The following PLCE1 variants were observed in gnomAD, a reference collection of about 807,000 sequenced individuals.
The protein encoded by PLCE1 is phospholipase C epsilon 1.
A neutral mutation model predicts 242.8 loss-of-function variants in PLCE1; 119 were observed. That is an observed-to-expected ratio of 0.49 (90% CI 0.42 to 0.57). PLCE1 has a LOEUF of 0.57. Among genes scored for constraint, PLCE1 ranks in the 20% least tolerant of loss-of-function variants. PLCE1 has a pLI of 0.00. For synonymous variants in PLCE1, 945 were observed against 1,017.4 expected, an observed-to-expected ratio of 0.93 and a Z score of 1.35; for missense variants, 2,441 against 2,788.8, an observed-to-expected ratio of 0.88 and a Z score of 2.81.
intron 3 of PLCE1, among the ~76,000 whole-genome samples, chr10:94,150,701 A>T (rs1456470465): frequency 6.6e-6 from 1 of 152,180 alleles, no homozygotes; most frequent in East Asian, 1.9e-4. Context: ...GTTCTGAGTG[A>T]TTAATTAGAG....
At chr10:94,223,645 C>T (rs1160539020) in intron 4 of PLCE1, among the ~76,000 whole-genome samples, 1 of 151,978 alleles carries the variant, frequency 6.6e-6, no homozygotes, top group African/African-American at 2.4e-5. Flanking sequence ...TGGGCATGGT[C>T]CAGGGGGTTA....
At position 94,236,053 on chromosome 10, in the gene PLCE1, G is replaced by T. The variant is rs376994717; in HGVS notation, c.2353G>T (p.Glu785Ter). Residue 785 changes from glutamate (E) to a stop codon, truncating the protein, a stop_gained, in exon 7 of 33, where the codon GAG becomes TAG. Transcript: ENST00000371380. LOFTEE classifies it high-confidence loss of function. ...CTGCAATCGAAGTCTGGAGACAGACGAGGAGGACAGCCCCAGTGAAGGAAA... is the reference window on the plus strand; with the variant it reads ...CTGCAATCGAAGTCTGGAGACAGACTAGGAGGACAGCCCCAGTGAAGGAAA... ...RSCNRSLETD[E>*]EDSPSEGNSS... The T allele has an allele frequency of 6.2e-7, 1 of 1,614,044 alleles. No homozygotes were observed. Among genetic ancestry groups the T allele is most frequent in the East Asian group, 2.2e-5 (1 of 44,872 alleles).
intron 29 of PLCE1, 62 bp from the exon 30 acceptor site, chr10:94,321,839 T>C: frequency 1.5e-6 from 2 of 1,311,422 alleles, no homozygotes; most frequent in Non-Finnish European, 2.2e-6. Context: ...TTTTGCTAGA[T>C]TTGTCTTTCT....
At chr10:94,277,634 G>A (rs1472646712) in intron 19 of PLCE1, among the ~76,000 whole-genome samples, 1 of 152,132 alleles carries the variant, frequency 6.6e-6, no homozygotes, top group African/African-American at 2.4e-5. Flanking sequence ...CCCAGCACTT[G>A]GCATTACCTT....
intron 2 of PLCE1, among the ~76,000 whole-genome samples, chr10:94,035,339 A>G (rs528679609): frequency 2.0e-5 from 3 of 152,198 alleles, no homozygotes; most frequent in African/African-American, 7.2e-5. Flanking sequence ...ACCCTCCTCC[A>G]GTTTCTTCTT....
chr10:94,148,248 A>G (rs1456072063), intron 3 of PLCE1, among the ~76,000 whole-genome samples: 1 of 152,202 alleles, frequency 6.6e-6, no homozygotes, highest in Admixed American at 6.5e-5. Context: ...CAGAAATGGC[A>G]AGAACAAAGG....
At chr10:94,104,141 A>C (rs913730455) in intron 2 of PLCE1, 2 of 152,248 alleles carry the variant, frequency 1.3e-5, no homozygotes, top group Admixed American at 6.5e-5. Context: ...GGTGTTGCCT[A>C]TAGCAACTAA....
Position 94,161,929 on chromosome 10 carries a change from A to T in PLCE1, c.1493-9251A>T, listed in dbSNP as rs1428653299. Among the ~76,000 whole-genome samples the T allele has an allele frequency of 2.6e-3, 397 of 152,200 alleles. 4 individuals carry two copies. The highest frequency in any genetic ancestry group is 7.2e-4 in the Admixed American group (11 of 15,274). On this transcript the variant is annotated intron_variant, in intron 3 of 32. Coordinates refer to ENST00000371380, the MANE Select transcript of PLCE1 (RefSeq NM_016341.4). ...TTGAGATAATCATGTGGTTTTTGTC[A>T]TTGGTTCTGTTTATATGCTGGATTA... is the stretch of plus-strand genomic sequence containing the variant.
intron 2 of PLCE1, among the ~76,000 whole-genome samples, chr10:94,106,708 T>C (rs1372926399): frequency 6.6e-6 from 1 of 152,150 alleles, no homozygotes; most frequent in Non-Finnish European, 1.5e-5. Context: ...TTGCCATGAT[T>C]CCCTTTTCCT....
In PLCE1 at chr10:94,132,353, A is replaced by G. The variant is rs760161309; in HGVS notation, c.1386A>G (p.Ile462Met). 1 of 1,614,088 alleles carries G rather than the reference A, an allele frequency of 6.2e-7. No homozygotes were observed. The highest frequency in any genetic ancestry group is 8.5e-7 in the Non-Finnish European group (1 of 1,179,988). Residue 462 changes from isoleucine to methionine, a missense_variant, in exon 3 of 33, where the codon ATA becomes ATG. Transcript: ENST00000371380. Reference protein sequence around the residue: ...EYRATLQRTSISQYITGSLLE... With the variant: ...EYRATLQRTSMSQYITGSLLE... ...GCGCCACCCTCCAAAGGACTTCAAT[A>G]TCGCAGTACATCACCGGTTCTCTCC...
intron 3 of PLCE1, among the ~76,000 whole-genome samples, chr10:94,157,970 G>C (rs538710779): frequency 9.8e-5 from 15 of 152,316 alleles, no homozygotes; most frequent in African/African-American, 3.6e-4. Context: ...GTGCTGTGCT[G>C]TCTACATAGA....
intron 1 of PLCE1, among the ~76,000 whole-genome samples, chr10:93,994,633 A>G (rs1184547491): frequency 6.6e-6 from 1 of 152,278 alleles, no homozygotes; most frequent in Non-Finnish European, 1.5e-5. Flanking sequence ...ATTTGTGTAC[A>G]TCAAGTCCTA....
At position 94,031,301 on chromosome 10, in the gene PLCE1, C is replaced by G; in HGVS notation, c.255C>G (p.Asn85Lys). Reference protein sequence around the residue: ...IAREKIVSDENSNEKCWEKIM... With the variant: ...IAREKIVSDEKSNEKCWEKIM... Reference sequence around the variant, plus strand: ...GGGAGAAAATAGTGAGTGATGAGAACAGTAATGAAAAATGTTGGGAGAAAA... The same window carrying G: ...GGGAGAAAATAGTGAGTGATGAGAAGAGTAATGAAAAATGTTGGGAGAAAA... Residue 85 changes from asparagine (N) to lysine (K), a missense_variant, in exon 2 of 33, where the codon AAC becomes AAG. Asn to Lys is a moderately conservative substitution (Grantham distance 94). Transcript: ENST00000371380. 1 of 1,613,772 alleles carries G rather than the reference C, an allele frequency of 6.2e-7. No homozygotes were observed. The highest frequency in any genetic ancestry group is 8.5e-7 in the Non-Finnish European group (1 of 1,179,856).
chr10:94,101,109 A>G (rs1241886118), intron 2 of PLCE1, among the ~76,000 whole-genome samples: 3 of 152,134 alleles, frequency 2.0e-5, no homozygotes, highest in African/African-American at 7.2e-5. Context: ...TGTTTGTCAG[A>G]AGCCCTGCCG....
chr10:94,008,753 C>T (rs1270291115), intron 1 of PLCE1, among the ~76,000 whole-genome samples: 1 of 152,156 alleles, frequency 6.6e-6, no homozygotes, highest in African/African-American at 2.4e-5. Flanking sequence ...AAATAGTCAG[C>T]CAGGAGGTAA....
At chr10:94,255,600 T>C (rs1177901928) in intron 11 of PLCE1, among the ~76,000 whole-genome samples, 1 of 152,252 alleles carries the variant, frequency 6.6e-6, no homozygotes, top group African/African-American at 2.4e-5. Context: ...TTTTCTCATA[T>C]GTAAGTTATG....
chr10:94,143,596 C>T (rs2047033817), intron 3 of PLCE1, among the ~76,000 whole-genome samples: 1 of 152,120 alleles, frequency 6.6e-6, no homozygotes, highest in Non-Finnish European at 1.5e-5. Context: ...AATATCTCAC[C>T]ATAGTCTGAG....
At position 94,330,809 on chromosome 10, in the gene PLCE1, A is replaced by G. The variant is rs1373239893; in HGVS notation, c.*2866A>G. 1 of 152,224 alleles carries G rather than the reference A, an allele frequency of 6.6e-6. No homozygotes were observed. The highest frequency in any genetic ancestry group is 1.5e-5 in the Non-Finnish European group (1 of 68,038). 9.4% of individuals were successfully genotyped at this position (152,224 alleles called of 1,614,324 possible). ...TTAAAGCTTTCTGAATTAAACAGCTATATTATGCCAAGTGAAAGAAATTAT... is the reference window on the plus strand; with the variant it reads ...TTAAAGCTTTCTGAATTAAACAGCTGTATTATGCCAAGTGAAAGAAATTAT... On this transcript the variant is annotated 3_prime_UTR_variant, in exon 33 of 33. Coordinates refer to ENST00000371380, the MANE Select transcript of PLCE1 (RefSeq NM_016341.4).
At chr10:94,080,752 C>A (rs1055372540) in intron 2 of PLCE1, among the ~76,000 whole-genome samples, 13 of 152,116 alleles carry the variant, frequency 8.5e-5, no homozygotes, top group African/African-American at 3.1e-4. Flanking sequence ...TTCTTAATAT[C>A]AACAGGTTGT....
Sources: allele counts gnomAD v4.1 joint callset (sites outside exome capture counted in the v4.1 genomes callset), GRCh38; gene constraint gnomAD v4.1.1; transcripts MANE v1.5; gene names NCBI Gene and HGNC (gene_info 2026-07-23, HGNC 2026-07-21).